AQP5: variants seen among roughly 807,000 people sequenced by gnomAD.
The protein encoded by AQP5 is aquaporin-5.
Under a neutral mutation model 19.1 loss-of-function variants are expected in AQP5, and 15 were observed. That is an observed-to-expected ratio of 0.79 (90% confidence interval 0.53 to 1.21). The LOEUF (loss-of-function observed/expected upper bound fraction) is 1.21. Ranked by LOEUF, AQP5 falls within the 50% of genes most tolerant of loss-of-function variation. AQP5 has a pLI of 0.00. For missense variants in AQP5, 355 were observed against 357.1 expected, an observed-to-expected ratio of 0.99 and a Z score of 0.05; for synonymous variants, 182 against 160.3, an observed-to-expected ratio of 1.14 and a Z score of -1.02.
chr12:49,962,189 C>T lies in AQP5; in HGVS notation c.172C>T (p.Gln58Ter), dbSNP rs1349801845. 1 of 1,609,590 alleles carries T rather than the reference C, an allele frequency of 6.2e-7. No homozygotes were observed. The highest frequency in any genetic ancestry group is 8.5e-7 in the Non-Finnish European group (1 of 1,179,792). Residue 58 changes from glutamine to a stop codon, truncating the protein, a stop_gained, in exon 1 of 4, where the codon CAG (glutamine) becomes TAG (stop). Coordinates refer to ENST00000293599, the MANE Select transcript of AQP5 (RefSeq NM_001651.4). LOFTEE classifies it high-confidence loss of function. Reference sequence around the variant, plus strand: ...TGGCCTGGCCATAGGCACGCTGGCCCAGGCCCTGGGACCCGTGAGCGGCGG... The same window carrying T: ...TGGCCTGGCCATAGGCACGCTGGCCTAGGCCCTGGGACCCGTGAGCGGCGG... ...AFGLAIGTLA[Q>*]ALGPVSGGHI...
intron 3 of AQP5, chr12:49,964,569 G>A (rs1234217470): frequency 2.2e-5 from 19 of 881,432 alleles, no homozygotes; most frequent in Non-Finnish European, 2.6e-5. Flanking sequence ...CTGTGGGTCT[G>A]TCCCTGTGGA....
rs909904541 is a variant in AQP5 at position 49,965,487 on chromosome 12, C to A, written c.*310C>A. ...GGGCGGGCCTGCAGCCTGCACCCCC[C>A]ACCTTCCCCAACCCTTCCTCAAGAG... On this transcript the variant is annotated 3_prime_UTR_variant, in exon 4 of 4. Coordinates refer to ENST00000293599, the MANE Select transcript of AQP5 (RefSeq NM_001651.4). 4.3e-6 allele frequency: 1 copy of A among 234,404 alleles called. No individual in the cohort carries two copies. 14.5% of individuals were successfully genotyped at this position (234,404 alleles called of 1,614,324 possible).
rs1247665816 is a variant in AQP5, at chr12:49,962,378, G to A, written c.361G>A (p.Ala121Thr). 1 of 1,527,182 alleles carries A rather than the reference G, an allele frequency of 6.5e-7. No individual in the cohort carries two copies. The highest frequency in any genetic ancestry group is 2.0e-5 in the Admixed American group (1 of 51,184). 94.6% of individuals were successfully genotyped at this position (1,527,182 alleles called of 1,614,324 possible). ...LNARGNLAVN[A>T]LNNNTTQGQA... The stretch of plus-strand genomic sequence containing the variant: ...TGCCCGGGGCAATCTGGCCGTCAAC[G>A]CGGTGAGTGCCCTGGGGGGGGGGTG... Residue 121 changes from alanine to threonine, a missense_variant and splice_region_variant, in exon 1 of 4, where the codon GCG becomes ACG. By Grantham distance (58) the Ala-to-Thr change is moderately conservative. Coordinates refer to ENST00000293599, the MANE Select transcript of AQP5 (RefSeq NM_001651.4).
At chr12:49,964,871 T>C in intron 3 of AQP5, 121 bp from the exon 4 acceptor site, 1 of 1,485,870 alleles carries the variant, frequency 6.7e-7, no homozygotes, top group Non-Finnish European at 8.9e-7. Flanking sequence ...TCCCTGAAGG[T>C]CTGGAAGTCT....
At chr12:49,964,819 G>A (rs746236921) in intron 3 of AQP5, 173 bp from the exon 4 acceptor site, 14 of 985,354 alleles carry the variant, frequency 1.4e-5, no homozygotes, top group Non-Finnish European at 1.7e-5. Flanking sequence ...CCTGGGAGTG[G>A]TGTGTCAGTA....
intron 1 of AQP5, 115 bp downstream of exon 1, chr12:49,962,495 A>ACCAGGAAGGCGAGAGCCTCCCAAGG (rs1947439030): frequency 9.9e-7 from 1 of 1,014,540 alleles, no homozygotes; most frequent in Non-Finnish European, 1.3e-6. Context: ...CACACCCTTC[A>ACCAGGAAGGCGAGAGCCTCCCAAGG]CCAGGAAGGC....
rs1947479306 is a variant in AQP5, at chr12:49,965,385, C to G, written c.*208C>G. On this transcript the variant is annotated 3_prime_UTR_variant, in exon 4 of 4. Transcript: ENST00000293599. ...GCCAGGGGCTGGGGTCTGCTGGGGACAGGTCTCTCTGGGACAGACCTCAGA... is the reference window on the plus strand; with the variant it reads ...GCCAGGGGCTGGGGTCTGCTGGGGAGAGGTCTCTCTGGGACAGACCTCAGA... 2 of 583,022 alleles carry G rather than the reference C, an allele frequency of 3.4e-6. No individual in the cohort carries two copies. Among genetic ancestry groups the G allele is most frequent in the Admixed American group, 6.6e-5 (2 of 30,340 alleles). 36.1% of individuals were successfully genotyped at this position (583,022 alleles called of 1,614,324 possible). A position where few individuals can be genotyped will look rare whatever the true frequency, so the allele number is the denominator to read the frequency against.
chr12:49,962,399 G>GC lies in AQP5; in HGVS notation c.363+19_363+20insC. The stretch of plus-strand genomic sequence containing the variant: ...CAACGCGGTGAGTGCCCTGGGGGGG[G>GC]GGTGGGAGCCTCGACCCTGGGGTGG... On this transcript the variant is annotated intron_variant, in intron 1 of 3. Transcript: ENST00000293599. The GC allele has an allele frequency of 1.5e-6, 2 of 1,331,654 alleles. No homozygotes were observed. 82.5% of individuals were successfully genotyped at this position (1,331,654 alleles called of 1,614,324 possible). A position where few individuals can be genotyped will look rare whatever the true frequency, so the allele number is the denominator to read the frequency against.
At position 49,962,235 on chromosome 12, in the gene AQP5, C is replaced by A. The variant is rs1431789695; in HGVS notation, c.218C>A (p.Thr73Asn). Residue 73 changes from threonine to asparagine, a missense_variant, in exon 1 of 4, where the codon ACC becomes AAC. By Grantham distance (65) the Thr-to-Asn change is moderately conservative. Coordinates refer to ENST00000293599, the MANE Select transcript of AQP5 (RefSeq NM_001651.4). ...VSGGHINPAI[T>N]LALLVGNQIS... ...GGCGGCCACATCAACCCCGCCATCA[C>A]CCTGGCCCTCTTGGTGGGCAACCAG... 3.1e-6 allele frequency: 5 copies of A among 1,606,538 alleles called. No homozygotes were observed. Among genetic ancestry groups the A allele is most frequent in the East Asian group, 2.2e-5 (1 of 44,876 alleles).
At chr12:49,964,021 T>G (rs1947458878) in intron 2 of AQP5, 71 bp from the exon 3 acceptor site, 63 of 1,469,876 alleles carry the variant, frequency 4.3e-5, no homozygotes, top group Non-Finnish European at 5.5e-5. Flanking sequence ...AGTGTAACCT[T>G]GAGAGAGTCC....
At position 49,962,064 on chromosome 12, in the gene AQP5, CAG is replaced by C; in HGVS notation, c.50_51del (p.Glu17ValfsTer134). 9 of 1,608,624 alleles carry C rather than the reference CAG, an allele frequency of 5.6e-6. No homozygotes were observed. Among genetic ancestry groups the C allele is most frequent in the Non-Finnish European group, 7.7e-6 (9 of 1,175,930 alleles). On this transcript the variant is annotated frameshift_variant, in exon 1 of 4. Transcript: ENST00000293599. LOFTEE classifies it high-confidence loss of function. The stretch of plus-strand genomic sequence containing the variant: ...GTGGCCTTCCTCAAGGCCGTGTTCG[CAG>C]AGTTCTTGGCCACCCTCATCTTCGT...
At chr12:49,964,394 A>C (rs1004380469) in intron 3 of AQP5, among the ~76,000 whole-genome samples, 4 of 151,982 alleles carry the variant, frequency 2.6e-5, no homozygotes, top group African/African-American at 9.7e-5. Flanking sequence ...AGGGAGTCTG[A>C]GTATCTATCC....
rs1429152052 is a variant in AQP5 at position 49,963,637 on chromosome 12, C to T, written c.509C>T (p.Thr170Ile). ...GCCCTGTCCATTGGCCTGTCTGTCACCCTGGGCCACCTTGTCGGAGTGAGC... is the reference window on the plus strand; with the variant it reads ...GCCCTGTCCATTGGCCTGTCTGTCATCCTGGGCCACCTTGTCGGAGTGAGC... ...SPALSIGLSVTLGHLVGIYFT... is the reference protein window; with the variant it reads ...SPALSIGLSVILGHLVGIYFT... Residue 170 changes from threonine to isoleucine, a missense_variant, in exon 2 of 4, where the codon ACC becomes ATC. Coordinates refer to ENST00000293599, the MANE Select transcript of AQP5 (RefSeq NM_001651.4). 6.2e-7 allele frequency: 1 copy of T among 1,613,620 alleles called. No homozygotes were observed.
intron 1 of AQP5, among the ~76,000 whole-genome samples, chr12:49,963,270 G>A (rs1292439241): frequency 6.6e-6 from 1 of 152,256 alleles, no homozygotes; most frequent in East Asian, 1.9e-4. Context: ...AAGCTACCCT[G>A]ACGCTCTGCC....
At position 49,962,463 on chromosome 12, in the gene AQP5, G is replaced by A. The variant is rs1020552105; in HGVS notation, c.363+83G>A. ...CCTCTTACCCCACCTGGAAAAAAGG[G>A]GTGCCGCAGAGTGGGCCAGCCCACA... is the stretch of plus-strand genomic sequence containing the variant. On this transcript the variant is annotated intron_variant, in intron 1 of 3. Coordinates refer to ENST00000293599, the MANE Select transcript of AQP5 (RefSeq NM_001651.4). The A allele has an allele frequency of 3.7e-6, 4 of 1,069,750 alleles. No individual in the cohort carries two copies. In the African/African-American group the frequency reaches 4.9e-5, roughly 13 times the overall value. The allele number at this position is 1,069,750 out of a possible 1,614,324, so 66.3% of individuals were successfully genotyped here.
Position 49,962,571 on chromosome 12 carries a change from C to G in AQP5, c.363+191C>G. ...TATGTGCTCCCTTCCTGCCCACCTC[C>G]TCTCCCCCTCCCCTCATGCTGGCCC... On this transcript the variant is annotated intron_variant, in intron 1 of 3. Coordinates refer to ENST00000293599, the MANE Select transcript of AQP5 (RefSeq NM_001651.4). The G allele has an allele frequency of 3.4e-6, 3 of 877,706 alleles. 1 individual carries two copies. The highest frequency in any genetic ancestry group is 4.9e-6 in the Non-Finnish European group (3 of 608,000). The allele number at this position is 877,706 out of a possible 1,614,324, so 54.4% of individuals were successfully genotyped here.
chr12:49,962,306 G>A lies in AQP5; in HGVS notation c.289G>A (p.Gly97Ser). Reference sequence around the variant, plus strand: ...CTTCTACGTGGCGGCCCAGCTGGTGGGCGCCATTGCCGGGGCTGGCATCCT... The same window carrying A: ...CTTCTACGTGGCGGCCCAGCTGGTGAGCGCCATTGCCGGGGCTGGCATCCT... Reference protein sequence around the residue: ...AFFYVAAQLVGAIAGAGILYG... With the variant: ...AFFYVAAQLVSAIAGAGILYG... Residue 97 changes from glycine to serine, a missense_variant, in exon 1 of 4, where the codon GGC becomes AGC. Coordinates refer to ENST00000293599, the MANE Select transcript of AQP5 (RefSeq NM_001651.4). The A allele has an allele frequency of 6.2e-7, 1 of 1,607,616 alleles. No individual in the cohort carries two copies. Among genetic ancestry groups the A allele is most frequent in the Non-Finnish European group, 8.5e-7 (1 of 1,179,880 alleles).
rs938824184 is a variant in AQP5 at position 49,961,931 on chromosome 12, GC to G, written c.-82del. 2.8e-5 allele frequency: 24 copies of G among 851,414 alleles called. No individual in the cohort carries two copies. Among genetic ancestry groups the G allele is most frequent in the Non-Finnish European group, 3.3e-5 (22 of 657,256 alleles). The allele number at this position is 851,414 out of a possible 1,614,324, so 52.7% of individuals were successfully genotyped here. A position where few individuals can be genotyped will look rare whatever the true frequency, so the allele number is the denominator to read the frequency against. On this transcript the variant is annotated 5_prime_UTR_variant, in exon 1 of 4. Coordinates refer to ENST00000293599, the MANE Select transcript of AQP5 (RefSeq NM_001651.4). ...CGCGGCGCCCCGCAGCCAGGCCCCCGCCCCCGCCGCATCCACCTCCTCCGCC... is the reference window on the plus strand; with the variant it reads ...CGCGGCGCCCCGCAGCCAGGCCCCCGCCCCGCCGCATCCACCTCCTCCGCC...
chr12:49,963,849 G>T, intron 2 of AQP5, 193 bp downstream of exon 2: 1 of 890,340 alleles, frequency 1.1e-6, no homozygotes, highest in African/African-American at 1.7e-5. Context: ...GAGGAAAGAT[G>T]GGAGTAAGTA....
Sources: allele counts gnomAD v4.1 joint callset (sites outside exome capture counted in the v4.1 genomes callset), GRCh38; gene constraint gnomAD v4.1.1; transcripts MANE v1.5; gene names NCBI Gene and HGNC (gene_info 2026-07-23, HGNC 2026-07-21).